Variants in IGSF9B observed in about 807,000 individuals in gnomAD.
IGSF9B encodes protein turtle homolog B.
Under a neutral mutation model 143.7 loss-of-function variants are expected in IGSF9B, and 48 were observed. That is an observed-to-expected ratio of 0.33 (90% confidence interval 0.26 to 0.42). The LOEUF is 0.42. Among genes scored for constraint, IGSF9B ranks in the 20% least tolerant of loss-of-function variants. The pLI, the probability that IGSF9B is intolerant of heterozygous loss-of-function variation, is 1.00. For missense variants in IGSF9B, 1,706 were observed against 1,980.0 expected, an observed-to-expected ratio of 0.86 and a Z score of 2.63; for synonymous variants, 903 against 833.1, an observed-to-expected ratio of 1.08 and a Z score of -1.44.
chr11:133,920,536 G>A lies in IGSF9B; in HGVS notation c.3189C>T (p.Pro1063=). ...PAMMFPHQLP[P]CDVPESLQPK... ...GCTGCAGACTCTCGGGCACATCACA[G>A]GGTGGCAGCTGGTGGGGGAACATCA... Residue 1063 remains proline (P), a synonymous_variant, in exon 18 of 20, where the codon CCC becomes CCT. Transcript: ENST00000533871. 6.2e-7 allele frequency: 1 copy of A among 1,610,728 alleles called. No homozygotes were observed. The highest frequency in any genetic ancestry group is 8.5e-7 in the Non-Finnish European group (1 of 1,178,562).
chr11:133,945,083 C>T lies in IGSF9B; in HGVS notation c.263-717G>A, dbSNP rs148695014. On this transcript the variant is annotated intron_variant, in intron 2 of 19. Coordinates refer to ENST00000533871, the MANE Select transcript of IGSF9B (RefSeq NM_001277285.4). This position sits in a 1 kb window ranked among gnomAD's most constrained non-coding sequence, Gnocchi z 4.6. ...ATCCCCTGCCCCAGTAGGATGCCATCTGTGTCTCACATGTGGCAATGAGGA... is the reference window on the plus strand; with the variant it reads ...ATCCCCTGCCCCAGTAGGATGCCATTTGTGTCTCACATGTGGCAATGAGGA... Among the ~76,000 whole-genome samples the T allele has an allele frequency of 1.4e-3, 206 of 152,320 alleles. No individual in the cohort carries two copies. Among genetic ancestry groups the T allele is most frequent in the African/African-American group, 4.8e-3 (200 of 41,580 alleles).
At chr11:133,926,118 T>C (rs1460845657) in intron 13 of IGSF9B, among the ~76,000 whole-genome samples, 153 bp from the exon 14 acceptor site, 2 of 152,060 alleles carry the variant, frequency 1.3e-5, no homozygotes, top group African/African-American at 4.8e-5. Context: ...TCAGAGTACG[T>C]CTAAACATAC....
rs772092237 is a variant in IGSF9B, at chr11:133,922,233, A to C, written c.2282-11T>G. Reference sequence around the variant, plus strand: ...TGGAGAGTGGAGGGTCTGGAAGGAAAGAGAAGGGGAGAGGCTGCTGAGGCC... The same window carrying C: ...TGGAGAGTGGAGGGTCTGGAAGGAACGAGAAGGGGAGAGGCTGCTGAGGCC... On this transcript the variant is annotated splice_polypyrimidine_tract_variant and intron_variant, in intron 16 of 19. Coordinates refer to ENST00000533871, the MANE Select transcript of IGSF9B (RefSeq NM_001277285.4). The C allele has an allele frequency of 1.9e-6, 3 of 1,611,336 alleles. No homozygotes were observed. The highest frequency in any genetic ancestry group is 1.7e-6 in the Non-Finnish European group (2 of 1,178,708).
At chr11:133,927,776 G>A (rs1036491497) in intron 12 of IGSF9B, among the ~76,000 whole-genome samples, 2 of 152,176 alleles carry the variant, frequency 1.3e-5, no homozygotes, top group South Asian at 2.1e-4. Flanking sequence ...GTGCTGCCAC[G>A]TCACCACAGG....
rs79998392 is a variant in IGSF9B at position 133,948,527 on chromosome 11, G to T, written c.65-2269C>A. On this transcript the variant is annotated intron_variant, in intron 1 of 19. Coordinates refer to ENST00000533871, the MANE Select transcript of IGSF9B (RefSeq NM_001277285.4). The surrounding 1 kb of genome is among the most constrained non-coding windows in gnomAD (Gnocchi z 4.7). Reference sequence around the variant, plus strand: ...ACAGCCCCAGGGGCCCTCAGCAGGAGAGGCTGCCTCCCAGCAGCCAGGATC... The same window carrying T: ...ACAGCCCCAGGGGCCCTCAGCAGGATAGGCTGCCTCCCAGCAGCCAGGATC... Among the ~76,000 whole-genome samples, 785 of 152,184 alleles carry T rather than the reference G, an allele frequency of 5.2e-3. 6 individuals carry two copies. Among genetic ancestry groups the T allele is most frequent in the African/African-American group, 0.018 (730 of 41,506 alleles).
chr11:133,930,008 C>T (rs1939694604), intron 11 of IGSF9B, among the ~76,000 whole-genome samples: 1 of 152,180 alleles, frequency 6.6e-6, no homozygotes, highest in African/African-American at 2.4e-5. Flanking sequence ...GCGGTCTAGT[C>T]CAACTAGGAG....
rs548677233 is a variant in IGSF9B, at chr11:133,929,645, C to T, written c.1631+26G>A. ...GGGGAGAAGCAGAGAGCAAAGCATG[C>T]CGGGGTGACTCACAGAGGTCCGTAC... On this transcript the variant is annotated intron_variant, in intron 12 of 19. Transcript: ENST00000533871. The T allele has an allele frequency of 1.5e-5, 22 of 1,506,434 alleles. No individual in the cohort carries two copies. The East Asian group carries it at 4.5e-4, about 31-fold the overall frequency. 93.3% of individuals were successfully genotyped at this position (1,506,434 alleles called of 1,614,324 possible). A position where few individuals can be genotyped will look rare whatever the true frequency, so the allele number is the denominator to read the frequency against.
At chr11:133,940,733 TACAG>T (rs1281188030) in intron 3 of IGSF9B, among the ~76,000 whole-genome samples, 1 of 139,660 alleles carries the variant, frequency 7.2e-6, no homozygotes, top group Non-Finnish European at 1.6e-5. Context: ...CGTCATCACA[TACAG>T]AAACATACAC....
chr11:133,907,029 G>A lies in IGSF9B; in HGVS notation c.*2040C>T, dbSNP rs906831449. 1.3e-5 allele frequency among the ~76,000 whole-genome samples: 2 copies of A among 152,142 alleles called. No individual in the cohort carries two copies. The highest frequency in any genetic ancestry group is 2.4e-5 in the African/African-American group (1 of 41,428). ...TGTGCTCTTCCATCTCGCAGAGCTG[G>A]TGCCCAGTGGTCAAGTGGATTCCAA... On this transcript the variant is annotated 3_prime_UTR_variant, in exon 20 of 20. Transcript: ENST00000533871.
intron 1 of IGSF9B, among the ~76,000 whole-genome samples, 195 bp downstream of exon 1, chr11:133,956,496 C>A: frequency 7.0e-6 from 1 of 143,314 alleles, no homozygotes; most frequent in Middle Eastern, 3.5e-3. Flanking sequence ...GCCCCTCCAG[C>A]CCACGGCCCC....
In IGSF9B at chr11:133,945,971, T is replaced by A; in HGVS notation, c.262+90A>T. ...GAGACTGGGAAACAGAGATAAAGAGTGGTCAGGACAAGGCAGGGGCCAGAG... is the reference window on the plus strand; with the variant it reads ...GAGACTGGGAAACAGAGATAAAGAGAGGTCAGGACAAGGCAGGGGCCAGAG... On this transcript the variant is annotated intron_variant, in intron 2 of 19. Transcript: ENST00000533871. The surrounding 1 kb of genome is among the most constrained non-coding windows in gnomAD (Gnocchi z 4.6). 2.6e-6 allele frequency: 2 copies of A among 778,966 alleles called. No homozygotes were observed. The highest frequency in any genetic ancestry group is 4.0e-6 in the Non-Finnish European group (2 of 495,372). The allele number at this position is 778,966 out of a possible 1,614,324, so 48.3% of individuals were successfully genotyped here.
chr11:133,912,135 C>T, intron 18 of IGSF9B, 128 bp from the exon 19 acceptor site: 2 of 1,076,608 alleles, frequency 1.9e-6, no homozygotes, highest in South Asian at 1.5e-5. Context: ...GCCCAAGGTG[C>T]CCACGATGGC....
In IGSF9B at chr11:133,903,407, G is replaced by A. The variant is rs1939170123; in HGVS notation, c.*5662C>T. ...CTCCAAAGCCGGTAGCTTTTCACCA[G>A]CTCTCGTCCGAAACCCTAACTACTA... is the stretch of plus-strand genomic sequence containing the variant. On this transcript the variant is annotated 3_prime_UTR_variant, in exon 20 of 20. Coordinates refer to ENST00000533871, the MANE Select transcript of IGSF9B (RefSeq NM_001277285.4). 6.6e-6 allele frequency among the ~76,000 whole-genome samples: 1 copy of A among 152,124 alleles called. No homozygotes were observed. Among genetic ancestry groups the A allele is most frequent in the African/African-American group, 2.4e-5 (1 of 41,414 alleles).
At chr11:133,933,421 G>T (rs146342778) in intron 7 of IGSF9B, among the ~76,000 whole-genome samples, 2 of 152,204 alleles carry the variant, frequency 1.3e-5, no homozygotes, top group Admixed American at 6.5e-5. Context: ...GCCTTCCTTG[G>T]ATTCATTTCC....
chr11:133,902,069 CAAT>C lies in IGSF9B; in HGVS notation c.*6997_*6999del, dbSNP rs540728648. Among the ~76,000 whole-genome samples the C allele has an allele frequency of 2.5e-4, 37 of 147,410 alleles. No homozygotes were observed. Among genetic ancestry groups the C allele is most frequent in the African/African-American group, 7.3e-4 (29 of 39,758 alleles). On this transcript the variant is annotated 3_prime_UTR_variant, in exon 20 of 20. Transcript: ENST00000533871. ...ACACACAATACACACATACCACACA[CAAT>C]AACACACCACATACAATACACAAAA...
intron 7 of IGSF9B, among the ~76,000 whole-genome samples, chr11:133,934,328 C>A (rs1256549819): frequency 1.3e-5 from 2 of 152,228 alleles, no homozygotes; most frequent in African/African-American, 2.4e-5. Context: ...GCACAGCCTG[C>A]GTCCAGCACA....
In IGSF9B at chr11:133,913,231, A is replaced by G. The variant is rs1045547261; in HGVS notation, c.3984-1224T>C. On this transcript the variant is annotated intron_variant, in intron 18 of 19. Transcript: ENST00000533871. The surrounding 1 kb of genome is among the most constrained non-coding windows in gnomAD (Gnocchi z 4.6). ...CAACTCCCTCCCCTATCTCCATTGC[A>G]AACAGTTTTTGGAAAGTCCTGATTA... Among the ~76,000 whole-genome samples the G allele has an allele frequency of 1.3e-5, 2 of 152,038 alleles. No homozygotes were observed. Among genetic ancestry groups the G allele is most frequent in the African/African-American group, 4.8e-5 (2 of 41,380 alleles).
Position 133,953,266 on chromosome 11 carries a change from C to T in IGSF9B, c.64+3425G>A, listed in dbSNP as rs1353092623. ...AAGGTCTATCTAGGACCCTGCAACT[C>T]CAGGACCAGCACATGCAGGGCCACA... On this transcript the variant is annotated intron_variant, in intron 1 of 19. Transcript: ENST00000533871. This position sits in a 1 kb window ranked among gnomAD's most constrained non-coding sequence, Gnocchi z 4.2. Among the ~76,000 whole-genome samples, 1 of 152,204 alleles carries T rather than the reference C, an allele frequency of 6.6e-6. No homozygotes were observed. The highest frequency in any genetic ancestry group is 1.5e-5 in the Non-Finnish European group (1 of 68,030).
chr11:133,941,060 ATTAC>A lies in IGSF9B; in HGVS notation c.410-3103_410-3100del, dbSNP rs538400689. Among the ~76,000 whole-genome samples, 27 of 152,348 alleles carry A rather than the reference ATTAC, an allele frequency of 1.8e-4. No individual in the cohort carries two copies. The South Asian group carries it at 4.8e-3, about 27-fold the overall frequency. On this transcript the variant is annotated intron_variant, in intron 3 of 19. Transcript: ENST00000533871. ...TTAAATTTACATCCTGAAGTGACAAATTACTTACTAATTACATAATTACTTTATT... is the reference window on the plus strand; with the variant it reads ...TTAAATTTACATCCTGAAGTGACAAATTACTAATTACATAATTACTTTATT...
Sources: allele counts gnomAD v4.1 joint callset (sites outside exome capture counted in the v4.1 genomes callset), GRCh38; gene constraint gnomAD v4.1.1; non-coding constraint Gnocchi (gnomAD v3.1); transcripts MANE v1.5; gene names NCBI Gene and HGNC (gene_info 2026-07-23, HGNC 2026-07-21).